CACNA1H: variants seen among roughly 807,000 people sequenced by gnomAD.
CACNA1H encodes the protein voltage-dependent T-type calcium channel subunit alpha-1H.
In CACNA1H, 149 loss-of-function variants were observed where a neutral mutation model predicts 192.5. The observed-to-expected ratio is 0.77, with a 90% CI of 0.68 to 0.89. The LOEUF (loss-of-function observed/expected upper bound fraction) is 0.89, where lower values mean the gene tolerates loss of function less well. Among genes scored for constraint, CACNA1H ranks in the 40% least tolerant of loss-of-function variants. The pLI is 0.00. For missense variants in CACNA1H, 4,257 were observed against 3,423.5 expected (o/e 1.24, Z -6.08); for synonymous variants, 2,202 against 1,475.2 (o/e 1.49, Z -11.29).
chr16:1,165,681 T>A (rs7187240), intron 2 of CACNA1H, among the ~76,000 whole-genome samples: 12,553 of 152,076 alleles, frequency 0.083, 1,414 homozygotes, highest in African/African-American at 0.25. Context: ...CACGCTGGGG[T>A]CACCCCTCCT....
In CACNA1H at chr16:1,220,998, G is replaced by T; in HGVS notation, c.*4G>T. 6.4e-7 allele frequency: 1 copy of T among 1,560,276 alleles called. No individual in the cohort carries two copies. ...TGGTGCAGATGACCCCGTGTAGCTCGGGGCTTGGTGCCGCCCACGGCTTTG... is the reference window on the plus strand; with the variant it reads ...TGGTGCAGATGACCCCGTGTAGCTCTGGGCTTGGTGCCGCCCACGGCTTTG... On this transcript the variant is annotated 3_prime_UTR_variant, in exon 35 of 35. Transcript: ENST00000348261.
At position 1,181,831 on chromosome 16, in the gene CACNA1H, A is replaced by G. The variant is rs74004854; in HGVS notation, c.300-13141A>G. ...CTTGTGTGTGGGGTGAGCCCGGCCC[A>G]TGCACACAGCTACACACACATCACA... On this transcript the variant is annotated intron_variant, in intron 2 of 34. Coordinates refer to ENST00000348261, the MANE Select transcript of CACNA1H (RefSeq NM_021098.3). Among the ~76,000 whole-genome samples, 1,030 of 152,142 alleles carry G rather than the reference A, an allele frequency of 6.8e-3. 15 individuals carry two copies. Among genetic ancestry groups the G allele is most frequent in the African/African-American group, 0.024 (987 of 41,498 alleles).
Position 1,201,301 on chromosome 16 carries a change from C to T in CACNA1H, c.1213-362C>T, listed in dbSNP as rs542457245. Among the ~76,000 whole-genome samples the T allele has an allele frequency of 2.6e-5, 4 of 152,250 alleles. No homozygotes were observed. In the South Asian group the frequency reaches 8.3e-4, roughly 32 times the overall value. On this transcript the variant is annotated intron_variant, in intron 8 of 34. Coordinates refer to ENST00000348261, the MANE Select transcript of CACNA1H (RefSeq NM_021098.3). ...GAAGCGAACGATTAGAGACTTGCTG[C>T]ACGCTGGTCCATGCTAAGGAGGAAA...
intron 17 of CACNA1H, among the ~76,000 whole-genome samples, chr16:1,209,804 G>A (rs534595570): frequency 2.0e-5 from 3 of 152,318 alleles, no homozygotes; most frequent in East Asian, 3.9e-4. Flanking sequence ...ACCTGGCCCC[G>A]TGGACTCCAG....
In CACNA1H at chr16:1,212,118, G is replaced by A. The variant is rs200627008; in HGVS notation, c.4739G>A (p.Arg1580His). 2.9e-5 allele frequency: 47 copies of A among 1,608,104 alleles called. No homozygotes were observed. Among genetic ancestry groups the A allele is most frequent in the Middle Eastern group, 1.9e-4 (1 of 5,372 alleles). The change falls in exon 25 of 35, where the codon CGC becomes CAC. Residue 1580 changes from arginine to histidine, a missense_variant. Coordinates refer to ENST00000348261, the MANE Select transcript of CACNA1H (RefSeq NM_021098.3). ...CGGCGAGAGGAGAAGCGGCTGCGGC[G>A]CCTAGAGAGGAGGCGCAGGAGTAAG... ...ARRREEKRLRRLERRRRSTFP... is the reference protein window; with the variant it reads ...ARRREEKRLRHLERRRRSTFP...
rs1407753328 is a variant in CACNA1H, at chr16:1,212,512, C to T, written c.4761C>T (p.Ser1587=). ...RLRRLERRRR[S]TFPSPEAQRR... ...CAGACCATCTCCTTGTCTTTCCAGG[C>T]ACTTTCCCCAGCCCAGGTACCGGCC... The change falls in exon 26 of 35, where the codon AGC becomes AGT. Residue 1587 remains serine (S), a splice_region_variant and synonymous_variant. Coordinates refer to ENST00000348261, the MANE Select transcript of CACNA1H (RefSeq NM_021098.3). 1.9e-6 allele frequency: 3 copies of T among 1,610,976 alleles called. No individual in the cohort carries two copies. In the Admixed American group the frequency reaches 5.0e-5, roughly 27 times the overall value.
chr16:1,195,427 C>T lies in CACNA1H; in HGVS notation c.412-5C>T, dbSNP rs577701046. On this transcript the variant is annotated splice_region_variant and splice_polypyrimidine_tract_variant and intron_variant, in intron 3 of 34. Transcript: ENST00000348261. ...CACGGGCCCTCCTGATGCCTCCTCC[C>T]GCAGGCCTTTGACGCCTTCATTTTC... The T allele has an allele frequency of 1.2e-5, 19 of 1,551,660 alleles. No homozygotes were observed. In the East Asian group the frequency reaches 1.7e-4, roughly 14 times the overall value.
intron 2 of CACNA1H, among the ~76,000 whole-genome samples, chr16:1,168,263 G>A (rs1233316704): frequency 6.6e-6 from 1 of 151,966 alleles, no homozygotes; most frequent in Non-Finnish European, 1.5e-5. Context: ...CTGTTTGGAC[G>A]CTGGCCATCC....
In CACNA1H at chr16:1,210,610, T is replaced by C. The variant is rs1969323057; in HGVS notation, c.3997T>C (p.Tyr1333His). Residue 1333 changes from tyrosine to histidine, a missense_variant, in exon 20 of 35, where the codon TAC (tyrosine) becomes CAC (histidine). Transcript: ENST00000348261. ...GCGGGTCTTCCTCAGCGTCTCCAATTACATCTTCACGGCCATCTTCGTGGC... is the reference window on the plus strand; with the variant it reads ...GCGGGTCTTCCTCAGCGTCTCCAATCACATCTTCACGGCCATCTTCGTGGC... The part of the protein sequence containing the change: ...TERVFLSVSN[Y>H]IFTAIFVAEM... The C allele has an allele frequency of 6.2e-7, 1 of 1,607,708 alleles. No homozygotes were observed. Among genetic ancestry groups the C allele is most frequent in the East Asian group, 2.2e-5 (1 of 44,876 alleles).
Position 1,218,059 on chromosome 16 carries a change from C to G in CACNA1H, c.5445+19C>G, listed in dbSNP as rs778344290. ...CATGAAGGTACCCGCCGCGGCCATG[C>G]CTCTGGCACCTGGCAGCCCCAGCGG... On this transcript the variant is annotated intron_variant, in intron 32 of 34. Coordinates refer to ENST00000348261, the MANE Select transcript of CACNA1H (RefSeq NM_021098.3). The G allele has an allele frequency of 6.3e-7, 1 of 1,592,168 alleles. No individual in the cohort carries two copies. Among genetic ancestry groups the G allele is most frequent in the African/African-American group, 1.3e-5 (1 of 74,662 alleles).
At chr16:1,186,864 G>T (rs982136724) in intron 2 of CACNA1H, among the ~76,000 whole-genome samples, 1 of 152,184 alleles carries the variant, frequency 6.6e-6, no homozygotes, top group African/African-American at 2.4e-5. Flanking sequence ...AGGGCGGTCC[G>T]TCCCACTCCC....
chr16:1,171,246 C>G (rs751479489), intron 2 of CACNA1H, among the ~76,000 whole-genome samples: 1 of 152,084 alleles, frequency 6.6e-6, no homozygotes, highest in East Asian at 1.9e-4. Context: ...GGAGGTCTCT[C>G]GGGCAGCCTG....
intron 10 of CACNA1H, among the ~76,000 whole-genome samples, chr16:1,204,747 C>G (rs895980681): frequency 7.3e-6 from 1 of 136,644 alleles, no homozygotes; most frequent in Non-Finnish European, 1.6e-5. Context: ...CAAACCTGCT[C>G]CCAGATCAGT....
At chr16:1,219,872 G>C in intron 34 of CACNA1H, 109 bp from the exon 35 acceptor site, 1 of 825,808 alleles carries the variant, frequency 1.2e-6, no homozygotes, top group Non-Finnish European at 1.7e-6. Flanking sequence ...CAGGGGACCT[G>C]CCCAGTTTGG....
At chr16:1,193,487 G>A (rs1214796313) in intron 2 of CACNA1H, among the ~76,000 whole-genome samples, 2 of 152,244 alleles carry the variant, frequency 1.3e-5, no homozygotes, top group African/African-American at 2.4e-5. Context: ...CCGTGAAGGC[G>A]CTCACACACT....
chr16:1,196,838 G>T (rs1967037724), intron 5 of CACNA1H, among the ~76,000 whole-genome samples: 1 of 152,184 alleles, frequency 6.6e-6, no homozygotes, highest in Non-Finnish European at 1.5e-5. Context: ...CGTTCTTTAA[G>T]CACTCAGGGC....
At chr16:1,206,938 C>G (rs1487653446) in intron 12 of CACNA1H, 63 bp from the exon 13 acceptor site, 3 of 343,910 alleles carry the variant, frequency 8.7e-6, no homozygotes, top group Non-Finnish European at 1.6e-5. Flanking sequence ...CCCGCTCCCC[C>G]ACCTTCTTCC....
At chr16:1,199,651 C>G (rs934794362) in intron 6 of CACNA1H, among the ~76,000 whole-genome samples, 5 of 150,222 alleles carry the variant, frequency 3.3e-5, no homozygotes, top group African/African-American at 1.2e-4. Context: ...AGCCCTCACC[C>G]CGGGGTCCCC....
chr16:1,202,632 CT>C (rs748453547), intron 9 of CACNA1H, among the ~76,000 whole-genome samples, 180 bp downstream of exon 9: 6 of 152,150 alleles, frequency 3.9e-5, no homozygotes, highest in Admixed American at 6.5e-5. Flanking sequence ...GGTCCCGCCC[CT>C]GACAGCGCCA....
Sources: allele counts gnomAD v4.1 joint callset (sites outside exome capture counted in the v4.1 genomes callset), GRCh38; gene constraint gnomAD v4.1.1; transcripts MANE v1.5; gene names NCBI Gene and HGNC (gene_info 2026-07-23, HGNC 2026-07-21).